The following AGO2 variants were observed in gnomAD, a reference collection of about 807,000 sequenced individuals.
AGO2 encodes the protein argonaute RISC catalytic component 2, also known as protein argonaute-2.
Under a neutral mutation model 102.3 loss-of-function variants are expected in AGO2, and 5 were observed. That is an observed-to-expected ratio of 0.05 (90% CI 0.03 to 0.10). The LOEUF (loss-of-function observed/expected upper bound fraction) is 0.10, where lower values mean the gene tolerates loss of function less well. Ranked by LOEUF, AGO2 falls within the 10% of genes least tolerant of loss-of-function variation. AGO2 has a pLI of 1.00. For missense variants in AGO2, 541 were observed against 1,183.7 expected, an observed-to-expected ratio of 0.46 and a Z score of 7.97; for synonymous variants, 449 against 473.1, an observed-to-expected ratio of 0.95 and a Z score of 0.66.
In AGO2 at chr8:140,557,525, G is replaced by A. The variant is rs1383550014; in HGVS notation, c.879-289C>T. ...TAAAGGAGTCAGGACGAATGGGCAC[G>A]ACCAGAAAGGCCTGCGCGTCTTCCA... On this transcript the variant is annotated intron_variant, in intron 7 of 18. Coordinates refer to ENST00000220592, the MANE Select transcript of AGO2 (RefSeq NM_012154.5). The surrounding 1 kb of genome is among the most constrained non-coding windows in gnomAD (Gnocchi z 5.9). Among the ~76,000 whole-genome samples the A allele has an allele frequency of 1.3e-5, 2 of 152,180 alleles. No homozygotes were observed. Among genetic ancestry groups the A allele is most frequent in the Non-Finnish European group, 2.9e-5 (2 of 68,042 alleles).
At chr8:140,613,913 G>T (rs1460494850) in intron 1 of AGO2, among the ~76,000 whole-genome samples, 1 of 150,748 alleles carries the variant, frequency 6.6e-6, no homozygotes, top group Non-Finnish European at 1.5e-5. Context: ...AGCTACTCAG[G>T]AGGCTGAAGT....
chr8:140,571,403 G>A (rs181926188), intron 3 of AGO2, among the ~76,000 whole-genome samples: 196 of 152,360 alleles, frequency 1.3e-3, no homozygotes, highest in Non-Finnish European at 2.0e-3. Context: ...GGAGGCTGAC[G>A]TGGGAGGATC....
At chr8:140,553,250 G>T (rs1212643485) in intron 10 of AGO2, among the ~76,000 whole-genome samples, 1 of 152,098 alleles carries the variant, frequency 6.6e-6, no homozygotes, top group Non-Finnish European at 1.5e-5. Context: ...GCTGGGTGTG[G>T]TGGTGTGGCT....
At chr8:140,554,426 A>G (rs2977482) in intron 10 of AGO2, among the ~76,000 whole-genome samples, 96,477 of 152,126 alleles carry the variant, frequency 0.63, 32,245 homozygotes, top group African/African-American at 0.86. Context: ...GACAAGACAC[A>G]CACGAACAGC....
At chr8:140,594,358 G>T (rs911819260) in intron 1 of AGO2, among the ~76,000 whole-genome samples, 1 of 152,122 alleles carries the variant, frequency 6.6e-6, no homozygotes, top group Non-Finnish European at 1.5e-5. Flanking sequence ...TTTTTAAATG[G>T]AACAAAAATA....
chr8:140,601,236 A>G (rs975488107), intron 1 of AGO2, among the ~76,000 whole-genome samples: 2 of 151,758 alleles, frequency 1.3e-5, no homozygotes, highest in African/African-American at 2.4e-5. Context: ...CTTCCTGTCT[A>G]CTCTTTCCTC....
At chr8:140,541,767 G>C (rs1381826124) in intron 14 of AGO2, among the ~76,000 whole-genome samples, 3 of 152,046 alleles carry the variant, frequency 2.0e-5, no homozygotes, top group Non-Finnish European at 2.9e-5. Flanking sequence ...GCTGGGCATG[G>C]TGGTGCGTGC....
chr8:140,642,027 G>C, the AGO2 span, among the ~76,000 whole-genome samples: 4 of 150,860 alleles, frequency 2.7e-5, no homozygotes, highest in East Asian at 1.9e-4. Context: ...GGTCAACAGA[G>C]ACCGTCTCAA....
chr8:140,632,271 C>T (rs967893283), intron 1 of AGO2, among the ~76,000 whole-genome samples: 4 of 152,252 alleles, frequency 2.6e-5, no homozygotes, highest in African/African-American at 9.6e-5. Flanking sequence ...GGGGACTCTG[C>T]ACAAATACCC....
In AGO2 at chr8:140,539,460, G is replaced by A. The variant is rs759751446; in HGVS notation, c.2035-6C>T. The A allele has an allele frequency of 1.9e-6, 3 of 1,609,294 alleles. No individual in the cohort carries two copies. The highest frequency in any genetic ancestry group is 2.5e-6 in the Non-Finnish European group (3 of 1,177,640). The stretch of plus-strand genomic sequence containing the variant: ...AGCAACTCGTGGTGGAGAACCTAGG[G>A]GTACGGGAGGGAGGAGGTTGTGCTT... On this transcript the variant is annotated splice_region_variant and splice_polypyrimidine_tract_variant and intron_variant, in intron 15 of 18. Transcript: ENST00000220592. The surrounding 1 kb of genome is among the most constrained non-coding windows in gnomAD (Gnocchi z 4.7).
At chr8:140,580,163 A>C (rs140371134) in intron 2 of AGO2, among the ~76,000 whole-genome samples, 3,081 of 152,260 alleles carry the variant, frequency 0.02, 54 homozygotes, top group Middle Eastern at 0.034. Flanking sequence ...CTTGGTGCCC[A>C]CAGCTGTACG....
At position 140,611,165 on chromosome 8, in the gene AGO2, G is replaced by A. The variant is rs1564115809; in HGVS notation, c.22+24320C>T. Among the ~76,000 whole-genome samples, 3 of 152,128 alleles carry A rather than the reference G, an allele frequency of 2.0e-5. 1 individual carries two copies. In the South Asian group the frequency reaches 6.2e-4, roughly 32 times the overall value. On this transcript the variant is annotated intron_variant, in intron 1 of 18. Transcript: ENST00000220592. ...TCCGGTGGCTAAGGTGAAACTGCAGGTGCATCTGCACAGTGCAAGGCGGCG... is the reference window on the plus strand; with the variant it reads ...TCCGGTGGCTAAGGTGAAACTGCAGATGCATCTGCACAGTGCAAGGCGGCG...
At chr8:140,583,672 A>G (rs879842935) in intron 2 of AGO2, among the ~76,000 whole-genome samples, 21 of 152,272 alleles carry the variant, frequency 1.4e-4, no homozygotes, top group South Asian at 6.2e-4. Context: ...TCAGGAGTTC[A>G]AGAGTAGCCT....
Position 140,551,295 on chromosome 8 carries a change from G to C in AGO2, c.1403+8C>G. 6.6e-7 allele frequency: 1 copy of C among 1,513,992 alleles called. No individual in the cohort carries two copies. The highest frequency in any genetic ancestry group is 8.9e-7 in the Non-Finnish European group (1 of 1,121,082). The allele number at this position is 1,513,992 out of a possible 1,614,324, so 93.8% of individuals were successfully genotyped here. A position where few individuals can be genotyped will look rare whatever the true frequency, so the allele number is the denominator to read the frequency against. On this transcript the variant is annotated splice_region_variant and intron_variant, in intron 11 of 18. Transcript: ENST00000220592. ...CCAGGCCGGAGCCTCTGCCTGTGGGGGGCTTACTTCAGATGGACTTCCGTG... is the reference window on the plus strand; with the variant it reads ...CCAGGCCGGAGCCTCTGCCTGTGGGCGGCTTACTTCAGATGGACTTCCGTG...
At chr8:140,617,120 T>A (rs1554711298) in intron 1 of AGO2, among the ~76,000 whole-genome samples, 1 of 152,058 alleles carries the variant, frequency 6.6e-6, no homozygotes, top group Non-Finnish European at 1.5e-5. Context: ...AAGGAAGCAC[T>A]CTGAAAAAGA....
intron 1 of AGO2, among the ~76,000 whole-genome samples, chr8:140,629,423 T>A (rs1260741364): frequency 5.3e-5 from 8 of 152,078 alleles, no homozygotes; most frequent in African/African-American, 1.9e-4. Context: ...GAGAGGATGC[T>A]AGTCATCCAG....
At chr8:140,563,614 G>A (rs1004610775) in intron 3 of AGO2, among the ~76,000 whole-genome samples, 3 of 152,174 alleles carry the variant, frequency 2.0e-5, no homozygotes, top group African/African-American at 7.2e-5. Context: ...CCATGAAAGG[G>A]CAGAGACGGG....
rs2072544663 is a variant in AGO2, at chr8:140,528,866, C to G, written c.*3178G>C. On this transcript the variant is annotated 3_prime_UTR_variant, in exon 19 of 19. Transcript: ENST00000220592. This position sits in a 1 kb window ranked among gnomAD's most constrained non-coding sequence, Gnocchi z 4.5. ...CACACGAGGGCAGCTTTCCACCGCTCCCCTGGTGTTCGTTAATTGCGTCGT... is the reference window on the plus strand; with the variant it reads ...CACACGAGGGCAGCTTTCCACCGCTGCCCTGGTGTTCGTTAATTGCGTCGT... The G allele has an allele frequency of 6.6e-6, 1 of 152,174 alleles. No individual in the cohort carries two copies. The highest frequency in any genetic ancestry group is 6.5e-5 in the Admixed American group (1 of 15,276). The allele number at this position is 152,174 out of a possible 1,614,324, so 9.4% of individuals were successfully genotyped here.
At chr8:140,549,922 A>G (rs796320573) in intron 11 of AGO2, among the ~76,000 whole-genome samples, 5 of 152,300 alleles carry the variant, frequency 3.3e-5, no homozygotes, top group African/African-American at 1.2e-4. Flanking sequence ...ACTAAGAATC[A>G]TGTCACCTTC....
Sources: allele counts gnomAD v4.1 joint callset (sites outside exome capture counted in the v4.1 genomes callset), GRCh38; gene constraint gnomAD v4.1.1; non-coding constraint Gnocchi (gnomAD v3.1); transcripts MANE v1.5; gene names NCBI Gene and HGNC (gene_info 2026-07-23, HGNC 2026-07-21).